TENM1: variants seen among roughly 807,000 people sequenced by gnomAD.
TENM1 encodes teneurin-1.
TENM1 carries 35 observed loss-of-function variants against 174.8 expected under a neutral mutation model. The observed-to-expected ratio is 0.20, with a 90% CI of 0.15 to 0.27. The LOEUF (loss-of-function observed/expected upper bound fraction) is 0.27, where lower values mean the gene tolerates loss of function less well. TENM1 is among the 10% of genes least tolerant of loss of function. The pLI is 1.00. For missense variants in TENM1, 1,633 were observed against 2,130.1 expected (o/e 0.77, Z 4.59); for synonymous variants, 781 against 798.7 (o/e 0.98, Z 0.37).
chrX:124,861,555 TA>T (rs2056912272), intron 3 of TENM1, among the ~76,000 whole-genome samples: 1 of 112,195 alleles, frequency 8.9e-6, no homozygotes, highest in Admixed American at 9.5e-5. Context: ...CCACATTTAT[TA>T]AAAACTTTGA....
chrX:124,863,778 G>A (rs2056956056), intron 3 of TENM1, among the ~76,000 whole-genome samples: 1 of 112,575 alleles, frequency 8.9e-6, no homozygotes, highest in African/African-American at 3.2e-5. Flanking sequence ...CCAGGGAATG[G>A]TTAAAGCCAG....
At chrX:124,446,956 C>A (rs1008345398) in intron 23 of TENM1, among the ~76,000 whole-genome samples, 18 of 112,256 alleles carry the variant, frequency 1.6e-4, no homozygotes, top group Admixed American at 1.6e-3. Flanking sequence ...CTTCATGTTG[C>A]AGCATAGGCC....
intron 3 of TENM1, among the ~76,000 whole-genome samples, chrX:124,847,226 T>G (rs1362808169): frequency 9.0e-6 from 1 of 111,543 alleles, no homozygotes; most frequent in Non-Finnish European, 1.9e-5. Context: ...ATGGGCTATT[T>G]TGCTTTGGAG....
At chrX:124,388,290 T>C (rs945688074) in intron 28 of TENM1, among the ~76,000 whole-genome samples, 3 of 111,460 alleles carry the variant, frequency 2.7e-5, no homozygotes, top group Admixed American at 9.5e-5. Context: ...TATTCTCTCC[T>C]CTGTTCCCAT....
At chrX:124,611,359 A>T (rs2050273514) in intron 11 of TENM1, among the ~76,000 whole-genome samples, 4 of 112,036 alleles carry the variant, frequency 3.6e-5, no homozygotes, top group African/African-American at 9.7e-5. Context: ...GCCCCAAAGG[A>T]TAAAACAATT....
chrX:124,896,102 A>T, exon 2 of TENM1: 1 of 1,211,244 alleles, frequency 8.3e-7, no homozygotes, highest in East Asian at 3.0e-5. Context: ...TTCTTAGTGC[A>T]TGGTCAGGTG....
chrX:124,777,522 T>A (rs895262705), intron 3 of TENM1, among the ~76,000 whole-genome samples: 1 of 111,888 alleles, frequency 8.9e-6, no homozygotes, highest in Admixed American at 9.5e-5. Flanking sequence ...TCACCACTCA[T>A]CATTTTCCCC....
chrX:124,437,504 T>G (rs2060856045), intron 23 of TENM1, among the ~76,000 whole-genome samples: 1 of 111,354 alleles, frequency 9.0e-6, no homozygotes, highest in Admixed American at 9.6e-5. Context: ...TATGTCATTA[T>G]TCTCTAGAAA....
chrX:124,581,440 T>C (rs766991152), intron 11 of TENM1, among the ~76,000 whole-genome samples: 50 of 4,357 alleles, frequency 0.011, no homozygotes, highest in African/African-American at 0.047. Context: ...CAAGCCTCCA[T>C]TGATAGGCAT....
At chrX:124,922,693 C>G (rs894072461) in intron 1 of TENM1, among the ~76,000 whole-genome samples, 2 of 110,813 alleles carry the variant, frequency 1.8e-5, no homozygotes, top group Admixed American at 9.6e-5. Flanking sequence ...ACTTGCAGCT[C>G]TCATGTTTTT....
chrX:124,392,305 G>T, exon 28 of TENM1: 3 of 1,208,617 alleles, frequency 2.5e-6, no homozygotes, highest in Non-Finnish European at 3.4e-6. Context: ...TCCTGTGCGG[G>T]TTATATGATC....
At chrX:124,939,183 C>A (rs1239613023) in intron 1 of TENM1, among the ~76,000 whole-genome samples, 2 of 112,019 alleles carry the variant, frequency 1.8e-5, no homozygotes, top group Non-Finnish European at 3.8e-5. Context: ...TCTTACTCCG[C>A]CAATGATAGC....
chrX:125,203,698 C>T, the TENM1 span: 1 of 113,363 alleles, frequency 8.8e-6, no homozygotes, highest in East Asian at 2.8e-4. Context: ...CATCCGCCGC[C>T]TGCAGCCTCG....
intron 3 of TENM1, among the ~76,000 whole-genome samples, chrX:124,803,737 G>A (rs1248929930): frequency 8.9e-6 from 1 of 112,177 alleles, no homozygotes; most frequent in East Asian, 2.8e-4. Context: ...CTTACACGGA[G>A]TAAGAAATAG....
chrX:124,446,128 CTG>C (rs1249649155), intron 23 of TENM1, among the ~76,000 whole-genome samples: 1 of 112,556 alleles, frequency 8.9e-6, no homozygotes, highest in African/African-American at 3.2e-5. Context: ...AACACACATT[CTG>C]TGAATAAACA....
chrX:124,737,134 G>A (rs2053692905), exon 4 of TENM1: 2 of 1,210,347 alleles, frequency 1.7e-6, no homozygotes, highest in African/African-American at 1.7e-5. Flanking sequence ...GCAGGCATGA[G>A]GAGGCGGAGG....
At chrX:124,653,649 A>C (rs1201456807) in exon 7 of TENM1, 1 of 1,211,186 alleles carries the variant, frequency 8.3e-7, no homozygotes, top group Admixed American at 2.2e-5. Context: ...TTGGCTAAAG[A>C]AATATTGAAC....
At chrX:124,997,818 G>T in the TENM1 span, among the ~76,000 whole-genome samples, 3 of 110,237 alleles carry the variant, frequency 2.7e-5, no homozygotes, top group African/African-American at 9.9e-5. Context: ...AGATCTGATT[G>T]CTCCCTTATC....
the TENM1 span, among the ~76,000 whole-genome samples, chrX:125,020,243 G>C: frequency 7.2e-4 from 80 of 111,289 alleles, no homozygotes; most frequent in African/African-American, 2.4e-3. Flanking sequence ...CCACAAGAAT[G>C]TGAGCTCCAA....
Sources: allele counts gnomAD v4.1 joint callset (sites outside exome capture counted in the v4.1 genomes callset), GRCh38; gene constraint gnomAD v4.1.1; transcripts MANE v1.5; gene names NCBI Gene and HGNC (gene_info 2026-07-23, HGNC 2026-07-21).